Variants in KDM4C observed in about 807,000 individuals in gnomAD.
The protein encoded by KDM4C is lysine-specific demethylase 4C.
KDM4C carries 81 observed loss-of-function variants against 129.3 expected under a neutral mutation model. That is an observed-to-expected ratio of 0.63 (90% CI 0.52 to 0.75). KDM4C has a LOEUF of 0.75. KDM4C is among the 30% of genes least tolerant of loss of function. The pLI, the probability that KDM4C is intolerant of heterozygous loss-of-function variation, is 0.00. For missense variants in KDM4C, 1,457 were observed against 1,304.0 expected, an observed-to-expected ratio of 1.12 and a Z score of -1.81; for synonymous variants, 573 against 456.1, an observed-to-expected ratio of 1.26 and a Z score of -3.26.
chr9:6,816,091 TC>T (rs1169295534), intron 4 of KDM4C, among the ~76,000 whole-genome samples: 1 of 152,186 alleles, frequency 6.6e-6, no homozygotes, highest in Non-Finnish European at 1.5e-5. Context: ...AGTCAAGGAT[TC>T]CCCTTTGTAA....
At chr9:6,722,579 T>C (rs1166571955) in intron 1 of KDM4C, among the ~76,000 whole-genome samples, 1 of 151,638 alleles carries the variant, frequency 6.6e-6, no homozygotes, top group African/African-American at 2.4e-5. Flanking sequence ...AATGGCGCGA[T>C]CTCGGCTCAC....
intron 5 of KDM4C, among the ~76,000 whole-genome samples, chr9:6,877,497 G>A (rs993687229): frequency 6.6e-6 from 1 of 152,192 alleles, no homozygotes; most frequent in African/African-American, 2.4e-5. Flanking sequence ...ACCACACCTG[G>A]CCTAACAAGA....
At chr9:7,082,166 C>G (rs981191858) in intron 17 of KDM4C, among the ~76,000 whole-genome samples, 14 of 126,074 alleles carry the variant, frequency 1.1e-4, no homozygotes, top group Admixed American at 4.4e-4. Flanking sequence ...TCACATGGGG[C>G]CTGAGTTTAT....
chr9:7,072,861 A>G (rs1038711536), intron 17 of KDM4C, among the ~76,000 whole-genome samples: 8 of 152,218 alleles, frequency 5.3e-5, no homozygotes, highest in Non-Finnish European at 1.0e-4. Flanking sequence ...ATGGGGTACA[A>G]TGTGATCTTT....
At chr9:7,017,053 A>T (rs1394242023) in intron 15 of KDM4C, among the ~76,000 whole-genome samples, 1 of 151,692 alleles carries the variant, frequency 6.6e-6, no homozygotes, top group Non-Finnish European at 1.5e-5. Context: ...TTCCCACTTC[A>T]CCCTCCTGGG....
chr9:6,733,279 T>C (rs963558668), intron 1 of KDM4C, among the ~76,000 whole-genome samples: 4 of 152,240 alleles, frequency 2.6e-5, no homozygotes, highest in Admixed American at 2.0e-4. Context: ...GGATGCTGGC[T>C]GGACCAGCTG....
intron 15 of KDM4C, among the ~76,000 whole-genome samples, chr9:7,023,092 A>T (rs1761812014): frequency 6.6e-6 from 1 of 152,120 alleles, no homozygotes; most frequent in African/African-American, 2.4e-5. Flanking sequence ...CATCAGGGCT[A>T]TTGGCTGTGG....
At position 7,015,354 on chromosome 9, in the gene KDM4C, A is replaced by T. The variant is rs374829200; in HGVS notation, c.2183-499A>T. The stretch of plus-strand genomic sequence containing the variant: ...TTTGCATCATCAGCCATCACCTTAG[A>T]TAGTTATTTTGGGTCAGGCGTGAAC... On this transcript the variant is annotated intron_variant, in intron 14 of 21. Coordinates refer to ENST00000381309, the MANE Select transcript of KDM4C (RefSeq NM_015061.6). Among the ~76,000 whole-genome samples the T allele has an allele frequency of 2.3e-4, 35 of 152,254 alleles. 1 individual carries two copies. In the East Asian group the frequency reaches 6.6e-3, roughly 29 times the overall value.
At chr9:6,865,077 C>G (rs113984061) in intron 5 of KDM4C, among the ~76,000 whole-genome samples, 2 of 145,734 alleles carry the variant, frequency 1.4e-5, no homozygotes, top group African/African-American at 5.1e-5. Context: ...GACGCGATCT[C>G]GGCTCACTGC....
chr9:7,091,317 A>G (rs1316068959), intron 17 of KDM4C, among the ~76,000 whole-genome samples: 1 of 68,462 alleles, frequency 1.5e-5, no homozygotes, highest in Non-Finnish European at 3.4e-5. Context: ...CATAGGCAAT[A>G]AAAGAAAAAA....
At chr9:7,062,543 A>G (rs1412910116) in intron 17 of KDM4C, among the ~76,000 whole-genome samples, 1 of 151,326 alleles carries the variant, frequency 6.6e-6, no homozygotes, top group East Asian at 1.9e-4. Context: ...TTGCACTACT[A>G]TTTCCAGCTA....
chr9:6,913,469 T>C (rs535338616), intron 8 of KDM4C, among the ~76,000 whole-genome samples: 1 of 152,342 alleles, frequency 6.6e-6, no homozygotes, highest in East Asian at 1.9e-4. Flanking sequence ...GCTCATACCT[T>C]GCGCCAGCTG....
intron 17 of KDM4C, among the ~76,000 whole-genome samples, chr9:7,051,319 G>T (rs528746272): frequency 1.3e-5 from 2 of 152,262 alleles, no homozygotes; most frequent in African/African-American, 2.4e-5. Context: ...AGAGTCCTCA[G>T]GAAGGAATCA....
At chr9:6,733,568 TA>T (rs1166536881) in intron 1 of KDM4C, among the ~76,000 whole-genome samples, 3 of 152,184 alleles carry the variant, frequency 2.0e-5, no homozygotes, top group Non-Finnish European at 4.4e-5. Context: ...AGTGAACTGA[TA>T]CCTTGACTCT....
intron 1 of KDM4C, among the ~76,000 whole-genome samples, chr9:6,790,839 T>C (rs1588284665): frequency 6.6e-6 from 1 of 152,254 alleles, no homozygotes; most frequent in East Asian, 1.9e-4. Context: ...TCATGATAGG[T>C]GCTCAATAAA....
intron 8 of KDM4C, among the ~76,000 whole-genome samples, chr9:6,958,968 T>C (rs1393208688): frequency 6.6e-6 from 1 of 152,154 alleles, no homozygotes; most frequent in African/African-American, 2.4e-5. Flanking sequence ...GTTATGATAA[T>C]ATTATTAGAG....
intron 8 of KDM4C, chr9:6,947,892 A>T (rs184364425): frequency 1.3e-5 from 2 of 151,712 alleles, no homozygotes; most frequent in African/African-American, 4.8e-5. Context: ...ATTGCTGTAC[A>T]CTTTTATAAC....
intron 1 of KDM4C, chr9:6,726,882 TA>T (rs1236392177): frequency 6.6e-6 from 1 of 152,072 alleles, no homozygotes; most frequent in Non-Finnish European, 1.5e-5. Context: ...ATTACAGGCA[TA>T]CGCCACCACG....
intron 15 of KDM4C, among the ~76,000 whole-genome samples, chr9:7,038,091 A>G (rs1827959667): frequency 1.3e-5 from 2 of 152,130 alleles, no homozygotes; most frequent in African/African-American, 4.8e-5. Context: ...AGTCTGGAAG[A>G]GATCATAGGT....
Sources: allele counts gnomAD v4.1 joint callset (sites outside exome capture counted in the v4.1 genomes callset), GRCh38; gene constraint gnomAD v4.1.1; transcripts MANE v1.5; gene names NCBI Gene and HGNC (gene_info 2026-07-23, HGNC 2026-07-21).